Variants in DACH2 observed in about 807,000 individuals in gnomAD.
DACH2 encodes dachshund family transcription factor 2.
DACH2 carries 17 observed loss-of-function variants against 35.8 expected under a neutral mutation model. The observed-to-expected ratio is 0.48, with a 90% CI of 0.33 to 0.71. The LOEUF (loss-of-function observed/expected upper bound fraction) is 0.71. Ranked by LOEUF, DACH2 falls within the 30% of genes least tolerant of loss-of-function variation. The probability of loss-of-function intolerance (pLI) is 0.02; values close to 1 mark genes in which losing one functional copy is unlikely to be tolerated. For synonymous variants in DACH2, 195 were observed against 177.3 expected, an observed-to-expected ratio of 1.10 and a Z score of -0.79; for missense variants, 469 against 472.7, an observed-to-expected ratio of 0.99 and a Z score of 0.07.
At chrX:86,391,079 G>A (rs956085988) in intron 2 of DACH2, among the ~76,000 whole-genome samples, 2 of 106,856 alleles carry the variant, frequency 1.9e-5, no homozygotes, top group Non-Finnish European at 3.9e-5. Flanking sequence ...TCAGGAGTTG[G>A]AGACCAGCCT....
chrX:86,562,208 GT>G (rs1263232467), intron 3 of DACH2, among the ~76,000 whole-genome samples: 1 of 110,454 alleles, frequency 9.1e-6, no homozygotes, highest in Non-Finnish European at 1.9e-5. Context: ...GGATGGTTGA[GT>G]TTTCAAGAAG....
intron 1 of DACH2, among the ~76,000 whole-genome samples, chrX:86,225,636 G>A (rs1157776082): frequency 1.8e-5 from 2 of 110,949 alleles, no homozygotes; most frequent in Admixed American, 9.6e-5. Flanking sequence ...ACATATGAAA[G>A]GGAGAGGGAG....
intron 2 of DACH2, among the ~76,000 whole-genome samples, chrX:86,417,089 CAAA>C (rs386417185): frequency 3.0e-4 from 7 of 23,031 alleles, no homozygotes; most frequent in African/African-American, 1.4e-3. Flanking sequence ...GACTCCATCT[CAAA>C]AAAAAAAAAA....
chrX:86,599,466 TTTTCTTTCTTTC>T (rs534501331), intron 3 of DACH2, among the ~76,000 whole-genome samples: 32 of 62,776 alleles, frequency 5.1e-4, no homozygotes, highest in Non-Finnish European at 6.5e-4. Context: ...TCCTTCCTTC[TTTTCTTTCTTTC>T]TTTCTTTCTT....
intron 6 of DACH2, among the ~76,000 whole-genome samples, chrX:86,721,625 T>G (rs1419128743): frequency 8.9e-6 from 1 of 112,026 alleles, no homozygotes; most frequent in Non-Finnish European, 1.9e-5. Flanking sequence ...AACCTCTGTC[T>G]GTTACCCAGA....
intron 7 of DACH2, among the ~76,000 whole-genome samples, chrX:86,751,366 A>G (rs2041770917): frequency 9.0e-6 from 1 of 111,352 alleles, no homozygotes; most frequent in Non-Finnish European, 1.9e-5. Context: ...AGAACTAAAG[A>G]CAAAAACCAC....
chrX:86,429,047 C>T (rs2036939997), intron 2 of DACH2, among the ~76,000 whole-genome samples: 1 of 111,314 alleles, frequency 9.0e-6, no homozygotes, highest in African/African-American at 3.3e-5. Context: ...CAGATCTACC[C>T]TGCTCTTCAT....
intron 3 of DACH2, among the ~76,000 whole-genome samples, chrX:86,619,004 T>C (rs967156213): frequency 8.9e-6 from 1 of 112,263 alleles, no homozygotes; most frequent in Non-Finnish European, 1.9e-5. Flanking sequence ...TTTTCTCCCA[T>C]ATAGTCCAGC....
At chrX:86,354,157 A>T (rs1348795357) in intron 1 of DACH2, among the ~76,000 whole-genome samples, 1 of 18,747 alleles carries the variant, frequency 5.3e-5, no homozygotes, top group Non-Finnish European at 7.7e-5. Flanking sequence ...ATCATTAAAA[A>T]GTCAGGAAAC....
intron 2 of DACH2, among the ~76,000 whole-genome samples, chrX:86,496,048 T>G (rs1007013385): frequency 1.8e-5 from 2 of 111,223 alleles, no homozygotes; most frequent in Admixed American, 9.6e-5. Context: ...TTGCACATAA[T>G]AAGTGTGACG....
chrX:86,635,813 C>G (rs2040258413), intron 3 of DACH2, among the ~76,000 whole-genome samples: 1 of 111,507 alleles, frequency 9.0e-6, no homozygotes. Flanking sequence ...CCTAGGAATA[C>G]AGCTAACCAG....
At chrX:86,682,702 G>A (rs918360015) in intron 4 of DACH2, among the ~76,000 whole-genome samples, 2 of 111,677 alleles carry the variant, frequency 1.8e-5, no homozygotes, top group African/African-American at 6.5e-5. Context: ...TAATACAAGT[G>A]AAAGATCCAT....
Position 86,313,181 on chromosome X carries a change from T to A in DACH2, c.489-63643T>A, listed in dbSNP as rs73516102. On this transcript the variant is annotated intron_variant, in intron 1 of 11. Coordinates refer to ENST00000373125, the MANE Select transcript of DACH2 (RefSeq NM_053281.3). ...ACTTGTACTATTATATCAGTTATAA[T>A]AATTTAAAAACTCATATTAAAAATC... 6.5e-3 allele frequency among the ~76,000 whole-genome samples: 722 copies of A among 111,349 alleles called. 3 individuals carry two copies. The highest frequency in any genetic ancestry group is 0.021 in the African/African-American group (652 of 30,692).
intron 3 of DACH2, among the ~76,000 whole-genome samples, chrX:86,549,000 A>G (rs1247107440): frequency 8.9e-6 from 1 of 111,917 alleles, no homozygotes; most frequent in Non-Finnish European, 1.9e-5. Context: ...TTATTCTCCT[A>G]TTAGAGAATG....
chrX:86,660,621 T>C, intron 4 of DACH2, among the ~76,000 whole-genome samples: 1 of 111,918 alleles, frequency 8.9e-6, no homozygotes, highest in Non-Finnish European at 1.9e-5. Context: ...CACTATCATT[T>C]AAGAAGTATT....
In DACH2 at chrX:86,636,373, G is replaced by A. The variant is rs536593390; in HGVS notation, c.641-14663G>A. Among the ~76,000 whole-genome samples, 56 of 109,581 alleles carry A rather than the reference G, an allele frequency of 5.1e-4. 1 individual carries two copies. The Middle Eastern group carries it at 0.014, about 27-fold the overall frequency. On this transcript the variant is annotated intron_variant, in intron 3 of 11. Transcript: ENST00000373125. ...TGAGACAGCAGAATCACTTGAACGC[G>A]GGAGGCAGAGGTTGCAGTGAGCTGA...
chrX:86,199,192 A>G (rs904632412), intron 1 of DACH2, among the ~76,000 whole-genome samples: 2 of 111,699 alleles, frequency 1.8e-5, no homozygotes, highest in Non-Finnish European at 3.8e-5. Context: ...AGAAGCAGAA[A>G]AGGCTTTTGA....
chrX:86,542,067 T>G (rs1171737610), intron 3 of DACH2, among the ~76,000 whole-genome samples: 1 of 111,544 alleles, frequency 9.0e-6, no homozygotes, highest in African/African-American at 3.3e-5. Flanking sequence ...ACAGAGGCAG[T>G]GATGTAAAGA....
intron 3 of DACH2, among the ~76,000 whole-genome samples, chrX:86,624,802 C>T (rs186882857): frequency 4.6e-4 from 51 of 111,358 alleles, no homozygotes; most frequent in African/African-American, 1.5e-3. Flanking sequence ...TGGAAATTCT[C>T]AAAGCTACAA....
Sources: gnomAD v4.1 joint callset for allele counts (sites outside exome capture counted in the v4.1 genomes callset) on GRCh38, gnomAD v4.1.1 for gene constraint, MANE v1.5 for transcripts, NCBI Gene and HGNC (gene_info 2026-07-23, HGNC 2026-07-21) for gene names.